The following GRK3 variants were observed in gnomAD, a reference collection of about 807,000 sequenced individuals.
GRK3 encodes the protein G protein-coupled receptor kinase 3, also known as adrenergic, beta, receptor kinase 2.
A neutral mutation model predicts 95.7 loss-of-function variants in GRK3; 54 were observed. That is an observed-to-expected ratio of 0.56 (90% CI 0.45 to 0.71). GRK3 has a LOEUF of 0.71. Ranked by LOEUF, GRK3 falls within the 30% of genes least tolerant of loss-of-function variation. The pLI is 0.00. For synonymous variants in GRK3, 281 were observed against 290.8 expected (o/e 0.97, Z 0.34); for missense variants, 649 against 851.2 (o/e 0.76, Z 2.96).
chr22:25,701,112 ATTCTT>A (rs2085255740), intron 13 of GRK3, among the ~76,000 whole-genome samples: 1 of 152,186 alleles, frequency 6.6e-6, no homozygotes, highest in East Asian at 1.9e-4. Flanking sequence ...GGACATGTGA[ATTCTT>A]TTCCCACAAC....
intron 2 of GRK3, among the ~76,000 whole-genome samples, chr22:25,617,012 G>A (rs192867867): frequency 2.6e-5 from 4 of 152,126 alleles, no homozygotes; most frequent in Non-Finnish European, 5.9e-5. Context: ...AGATTCTTAC[G>A]GGTGTGAATC....
Position 25,622,203 on chromosome 22 carries a change from G to A in GRK3, c.190+17750G>A, listed in dbSNP as rs115540086. On this transcript the variant is annotated intron_variant, in intron 2 of 20. Coordinates refer to ENST00000324198, the MANE Select transcript of GRK3 (RefSeq NM_005160.4). ...CCAGCCCCTTCATTTGATTGATGACGAAACTAAGGAACACTGGCAGAGAAG... is the reference window on the plus strand; with the variant it reads ...CCAGCCCCTTCATTTGATTGATGACAAAACTAAGGAACACTGGCAGAGAAG... Among the ~76,000 whole-genome samples, 1,516 of 152,254 alleles carry A rather than the reference G, an allele frequency of 1.0e-2. 24 individuals are homozygous for A. Among genetic ancestry groups the A allele is most frequent in the African/African-American group, 0.034 (1,395 of 41,530 alleles).
At chr22:25,696,322 C>T (rs555055736) in intron 13 of GRK3, among the ~76,000 whole-genome samples, 11 of 152,220 alleles carry the variant, frequency 7.2e-5, no homozygotes, top group East Asian at 1.9e-4. Context: ...GGGGAAAATG[C>T]TGAAATTAAT....
intron 1 of GRK3, among the ~76,000 whole-genome samples, chr22:25,600,240 A>G (rs545430976): frequency 6.8e-6 from 1 of 147,606 alleles, no homozygotes; most frequent in Admixed American, 6.9e-5. Flanking sequence ...TCCGCCTCCC[A>G]GGTTCAAATG....
At chr22:25,715,989 C>A (rs2085380922) in intron 18 of GRK3, among the ~76,000 whole-genome samples, 1 of 151,988 alleles carries the variant, frequency 6.6e-6, no homozygotes, top group Admixed American at 6.6e-5. Context: ...TATTTGTAAG[C>A]TCTTCTTTTT....
intron 7 of GRK3, among the ~76,000 whole-genome samples, chr22:25,673,730 A>G (rs1193678609): frequency 1.3e-5 from 2 of 152,132 alleles, no homozygotes; most frequent in African/African-American, 4.8e-5. Flanking sequence ...CTTACGTGAA[A>G]TGTCAGATTC....
intron 12 of GRK3, among the ~76,000 whole-genome samples, chr22:25,691,119 A>G (rs936575230): frequency 5.8e-4 from 88 of 152,184 alleles, no homozygotes; most frequent in Non-Finnish European, 2.4e-4. Context: ...ACTGGTTTTC[A>G]TTTCTGTTTC....
chr22:25,715,989 CTCT>C (rs2085380983), intron 18 of GRK3, among the ~76,000 whole-genome samples: 3 of 151,988 alleles, frequency 2.0e-5, no homozygotes, highest in Non-Finnish European at 2.9e-5. Flanking sequence ...TATTTGTAAG[CTCT>C]TCTTTTTTTT....
At chr22:25,581,967 A>G (rs1013298646) in intron 1 of GRK3, among the ~76,000 whole-genome samples, 1 of 152,206 alleles carries the variant, frequency 6.6e-6, no homozygotes, top group African/African-American at 2.4e-5. Context: ...AAAACATTTC[A>G]GAATAATCAT....
intron 2 of GRK3, among the ~76,000 whole-genome samples, chr22:25,622,703 A>G (rs1353447389): frequency 2.0e-5 from 3 of 152,310 alleles, no homozygotes; most frequent in African/African-American, 7.2e-5. Flanking sequence ...GAGTGGGAGC[A>G]TGGAAACAGG....
intron 9 of GRK3, among the ~76,000 whole-genome samples, chr22:25,683,993 T>G (rs965282047): frequency 1.3e-5 from 2 of 152,242 alleles, no homozygotes; most frequent in African/African-American, 4.8e-5. Flanking sequence ...TTGTTTTATC[T>G]TTTACACTTA....
In GRK3 at chr22:25,704,208, G is replaced by T; in HGVS notation, c.1327G>T (p.Gly443Cys). The T allele has an allele frequency of 6.2e-7, 1 of 1,610,266 alleles. No individual in the cohort carries two copies. The highest frequency in any genetic ancestry group is 8.5e-7 in the Non-Finnish European group (1 of 1,177,694). ...CAAGCGGCTGGGCTGTCACGGAGGC[G>T]GGTAGGCCATTGTTCCTGCCTTTCG... ...VSKRLGCHGG[G>C]SQEVKEHSFF... The change falls in exon 15 of 21, where the codon GGC (glycine) becomes TGC (cysteine). Residue 443 changes from glycine (G) to cysteine (C), a missense_variant and splice_region_variant. Gly to Cys is a radical substitution (Grantham distance 159, BLOSUM62 -3). Coordinates refer to ENST00000324198, the MANE Select transcript of GRK3 (RefSeq NM_005160.4).
intron 1 of GRK3, among the ~76,000 whole-genome samples, chr22:25,568,122 T>A (rs2146308126): frequency 6.6e-6 from 1 of 152,314 alleles, no homozygotes; most frequent in Non-Finnish European, 1.5e-5. Context: ...ACCCACAGCC[T>A]CCCTTGCAGG....
At position 25,615,204 on chromosome 22, in the gene GRK3, C is replaced by T. The variant is rs1309417717; in HGVS notation, c.190+10751C>T. Among the ~76,000 whole-genome samples, 9 of 152,074 alleles carry T rather than the reference C, an allele frequency of 5.9e-5. 1 individual carries two copies. In the South Asian group the frequency reaches 8.3e-4, roughly 14 times the overall value. On this transcript the variant is annotated intron_variant, in intron 2 of 20. Coordinates refer to ENST00000324198, the MANE Select transcript of GRK3 (RefSeq NM_005160.4). ...GTAGCTCTCTCTCTGCCAGTGTCCA[C>T]GTATTTTCGGAAAAAAAAATTATAT...
intron 3 of GRK3, among the ~76,000 whole-genome samples, chr22:25,651,885 G>A (rs913663521): frequency 6.6e-6 from 1 of 152,186 alleles, no homozygotes; most frequent in South Asian, 2.1e-4. Context: ...GTGTCTTAAT[G>A]TGGAAGTTAA....
chr22:25,601,893 G>A (rs2084411756), intron 1 of GRK3, among the ~76,000 whole-genome samples: 1 of 152,170 alleles, frequency 6.6e-6, no homozygotes, highest in Non-Finnish European at 1.5e-5. Context: ...ACTTGTGAAA[G>A]AAAATATAGC....
intron 9 of GRK3, among the ~76,000 whole-genome samples, chr22:25,683,701 C>T (rs1285271935): frequency 4.0e-5 from 6 of 151,876 alleles, no homozygotes; most frequent in African/African-American, 1.5e-4. Context: ...TTTTTTTTCC[C>T]CATTTTTCTG....
chr22:25,627,736 C>T (rs573187281), intron 2 of GRK3, among the ~76,000 whole-genome samples: 1 of 152,242 alleles, frequency 6.6e-6, no homozygotes, highest in East Asian at 1.9e-4. Context: ...GAGGAACCAG[C>T]TGCTACTTAT....
At chr22:25,711,746 G>A (rs1173617559) in intron 17 of GRK3, among the ~76,000 whole-genome samples, 5 of 152,188 alleles carry the variant, frequency 3.3e-5, no homozygotes, top group Admixed American at 2.0e-4. Flanking sequence ...ACTACATCAA[G>A]CTCTCACCTA....
Sources: gnomAD v4.1 joint callset for allele counts (sites outside exome capture counted in the v4.1 genomes callset) on GRCh38, gnomAD v4.1.1 for gene constraint, MANE v1.5 for transcripts, NCBI Gene and HGNC (gene_info 2026-07-23, HGNC 2026-07-21) for gene names.